The following WDR27 variants were observed in gnomAD, a reference collection of about 807,000 sequenced individuals.
WDR27 encodes the protein WD repeat-containing protein 27.
WDR27 carries 100 observed loss-of-function variants against 114.4 expected under a neutral mutation model. That is an observed-to-expected ratio of 0.87 (90% CI 0.74 to 1.03). WDR27 has a LOEUF of 1.03. Among genes scored for constraint, WDR27 ranks in the 50% least tolerant of loss-of-function variants. WDR27 has a pLI of 0.00. For missense variants in WDR27, 1,129 were observed against 1,092.9 expected (o/e 1.03, Z -0.47); for synonymous variants, 449 against 423.1 (o/e 1.06, Z -0.75).
intron 23 of WDR27, among the ~76,000 whole-genome samples, chr6:169,598,274 T>C (rs1807236781): frequency 1.3e-5 from 2 of 152,208 alleles, no homozygotes; most frequent in Non-Finnish European, 2.9e-5. Context: ...TATAACACAA[T>C]ACCTGAAACT....
rs533051295 is a variant in WDR27, at chr6:169,633,973, T to C, written c.2101+455A>G. Among the ~76,000 whole-genome samples the C allele has an allele frequency of 1.3e-4, 20 of 152,258 alleles. No homozygotes were observed. In the South Asian group the frequency reaches 2.5e-3, roughly 19 times the overall value. ...TGAATTCCTAAAGATCTGGAGCTTT[T>C]CCCCTAAATAAATTAAAATCAACTT... is the stretch of plus-strand genomic sequence containing the variant. On this transcript the variant is annotated intron_variant, in intron 20 of 25. Coordinates refer to ENST00000448612, the MANE Select transcript of WDR27 (RefSeq NM_182552.5).
At chr6:169,678,242 C>T (rs1176509276) in intron 2 of WDR27, among the ~76,000 whole-genome samples, 2 of 152,206 alleles carry the variant, frequency 1.3e-5, no homozygotes, top group Non-Finnish European at 2.9e-5. Flanking sequence ...CTTGCAAAGC[C>T]ACAGGGACAG....
intron 25 of WDR27, among the ~76,000 whole-genome samples, chr6:169,543,130 A>C (rs1797029593): frequency 6.6e-6 from 1 of 152,126 alleles, no homozygotes; most frequent in African/African-American, 2.4e-5. Flanking sequence ...ACAATTATTT[A>C]ATCTGGGTAA....
chr6:169,463,058 CA>C (rs539484320), intron 25 of WDR27, among the ~76,000 whole-genome samples: 1 of 152,086 alleles, frequency 6.6e-6, no homozygotes. Context: ...CAACCAACAA[CA>C]AAAAAAGTAT....
chr6:169,548,796 G>A (rs1797758501), intron 25 of WDR27, among the ~76,000 whole-genome samples: 1 of 152,106 alleles, frequency 6.6e-6, no homozygotes, highest in South Asian at 2.1e-4. Flanking sequence ...ACAATACAAT[G>A]AAGAAAATAG....
chr6:169,645,312 C>T (rs568232598), intron 16 of WDR27, among the ~76,000 whole-genome samples: 2 of 150,302 alleles, frequency 1.3e-5, no homozygotes, highest in East Asian at 3.9e-4. Context: ...TGTAGAAAAT[C>T]CTAGTTCATA....
intron 25 of WDR27, among the ~76,000 whole-genome samples, chr6:169,537,804 A>G (rs954951256): frequency 3.3e-5 from 5 of 152,192 alleles, no homozygotes; most frequent in African/African-American, 9.6e-5. Flanking sequence ...CCAGCTGTTA[A>G]GAGACGGTGG....
In WDR27 at chr6:169,632,999, G is replaced by T. The variant is rs367673785; in HGVS notation, c.2171C>A (p.Ala724Glu). Residue 724 changes from alanine (A) to glutamate (E), a missense_variant, in exon 21 of 26, where the codon GCG becomes GAG. Coordinates refer to ENST00000448612, the MANE Select transcript of WDR27 (RefSeq NM_182552.5). ...CCGTGAGTGGGCTTCCGCTATCACC[G>T]CTGCACTGCAGCCGGCGTTGAGGTC... ...VFDLNAGCSA[A>E]VIAEAHSRPV... 6.3e-7 allele frequency: 1 copy of T among 1,598,756 alleles called. No homozygotes were observed. The highest frequency in any genetic ancestry group is 1.3e-5 in the African/African-American group (1 of 74,826).
At chr6:169,494,278 G>GGCC (rs1790131849) in intron 25 of WDR27, among the ~76,000 whole-genome samples, 1 of 152,040 alleles carries the variant, frequency 6.6e-6, no homozygotes, top group African/African-American at 2.4e-5. Flanking sequence ...AGAACAAAAA[G>GGCC]GCCGACTCTC....
chr6:169,503,585 T>C (rs1272174467), intron 25 of WDR27, among the ~76,000 whole-genome samples: 1 of 152,160 alleles, frequency 6.6e-6, no homozygotes, highest in Non-Finnish European at 1.5e-5. Flanking sequence ...CTCCTTTTTT[T>C]GGAAAGAAGA....
At chr6:169,447,717 G>T in the WDR27 span, among the ~76,000 whole-genome samples, 5 of 152,284 alleles carry the variant, frequency 3.3e-5, no homozygotes, top group South Asian at 1.0e-3. Flanking sequence ...AAGTATTCAA[G>T]TACTACTTTG....
At chr6:169,625,250 T>C (rs1408817855) in intron 21 of WDR27, among the ~76,000 whole-genome samples, 4 of 152,248 alleles carry the variant, frequency 2.6e-5, no homozygotes, top group South Asian at 2.1e-4. Context: ...CAAGCAATTT[T>C]TGAGCACCGA....
chr6:169,456,923 C>T (rs1177769818), downstream of WDR27, among the ~76,000 whole-genome samples: 7 of 151,276 alleles, frequency 4.6e-5, no homozygotes, highest in Non-Finnish European at 8.8e-5. The surrounding 1 kb of genome is among the most constrained non-coding windows in gnomAD (Gnocchi z 4.0). Flanking sequence ...ACGCTCACCA[C>T]GCAGAACCCA....
chr6:169,677,779 G>A (rs1198231670), intron 2 of WDR27, among the ~76,000 whole-genome samples: 1 of 152,210 alleles, frequency 6.6e-6, no homozygotes, highest in Non-Finnish European at 1.5e-5. Flanking sequence ...CACAGCCTCA[G>A]GACACTGCTC....
At chr6:169,482,934 T>G (rs1367871033) in intron 25 of WDR27, among the ~76,000 whole-genome samples, 3 of 152,186 alleles carry the variant, frequency 2.0e-5, no homozygotes, top group Non-Finnish European at 2.9e-5. Flanking sequence ...CCTGAATGAC[T>G]TTTGGGTAAA....
chr6:169,431,917 C>A, the WDR27 span, among the ~76,000 whole-genome samples: 3 of 152,212 alleles, frequency 2.0e-5, no homozygotes, highest in Non-Finnish European at 4.4e-5. Context: ...GCTTTCAGAA[C>A]CCAAAGATTG....
At chr6:169,583,488 CA>C in intron 23 of WDR27, among the ~76,000 whole-genome samples, 1 of 13,984 alleles carries the variant, frequency 7.2e-5, no homozygotes. Flanking sequence ...TGTATATATA[CA>C]TATATATATA....
At chr6:169,618,474 G>A (rs1478162407) in intron 21 of WDR27, among the ~76,000 whole-genome samples, 2 of 151,766 alleles carry the variant, frequency 1.3e-5, no homozygotes, top group African/African-American at 4.8e-5. Context: ...CATAAAATAG[G>A]AAAATATGAC....
At chr6:169,681,197 A>G (rs1035020274) in intron 2 of WDR27, among the ~76,000 whole-genome samples, 1 of 152,248 alleles carries the variant, frequency 6.6e-6, no homozygotes. Context: ...ATTACTCAAT[A>G]ATAAAGAAGA....
Sources: allele counts gnomAD v4.1 joint callset (sites outside exome capture counted in the v4.1 genomes callset), GRCh38; gene constraint gnomAD v4.1.1; non-coding constraint Gnocchi (gnomAD v3.1); transcripts MANE v1.5; gene names NCBI Gene and HGNC (gene_info 2026-07-23, HGNC 2026-07-21).